Variants in WASF2 observed in about 807,000 individuals in gnomAD.
WASF2 encodes actin-binding protein WASF2.
Under a neutral mutation model 45.0 loss-of-function variants are expected in WASF2, and 14 were observed. That is an observed-to-expected ratio of 0.31 (90% CI 0.21 to 0.49). The LOEUF is 0.49. WASF2 is among the 20% of genes least tolerant of loss of function. The probability of loss-of-function intolerance (pLI) is 0.99; values close to 1 mark genes in which losing one functional copy is unlikely to be tolerated. For missense variants in WASF2, 439 were observed against 636.1 expected (o/e 0.69, Z 3.33); for synonymous variants, 200 against 236.3 (o/e 0.85, Z 1.41).
chr1:27,405,248 C>CT lies in WASF2; in HGVS notation c.*2940dup, dbSNP rs891088570. ...CGAGCTGGAGCCTGGGCCAGCTGCT[C>CT]TGAGCCTCCAAGGGCTGGCTGAGCC... On this transcript the variant is annotated 3_prime_UTR_variant, in exon 9 of 9. Coordinates refer to ENST00000618852, the MANE Select transcript of WASF2 (RefSeq NM_006990.5). The CT allele has an allele frequency of 5.3e-5, 8 of 152,346 alleles. No homozygotes were observed. The highest frequency in any genetic ancestry group is 1.9e-4 in the African/African-American group (8 of 41,470). The allele number at this position is 152,346 out of a possible 1,614,324, so 9.4% of individuals were successfully genotyped here. A position where few individuals can be genotyped will look rare whatever the true frequency, so the allele number is the denominator to read the frequency against.
intron 1 of WASF2, among the ~76,000 whole-genome samples, chr1:27,463,639 A>C (rs908737531): frequency 4.9e-4 from 74 of 150,612 alleles, no homozygotes; most frequent in Non-Finnish European, 9.2e-4. Context: ...AAAAAAAAAA[A>C]AAAAAACTAT....
At chr1:27,418,133 A>C (rs2016850526) in intron 4 of WASF2, 136 bp downstream of exon 4, 1 of 1,051,110 alleles carries the variant, frequency 9.5e-7, no homozygotes, top group Non-Finnish European at 1.3e-6. Flanking sequence ...CTGCTGCCAC[A>C]GAAACTACCA....
chr1:27,441,417 C>G (rs1343051507), intron 1 of WASF2, among the ~76,000 whole-genome samples: 2 of 148,290 alleles, frequency 1.3e-5, no homozygotes, highest in Admixed American at 1.3e-4. Flanking sequence ...CACTTGAGGT[C>G]AGGAATTCGA....
intron 1 of WASF2, among the ~76,000 whole-genome samples, chr1:27,441,388 G>A (rs1240541857): frequency 1.3e-5 from 2 of 151,998 alleles, no homozygotes; most frequent in South Asian, 2.1e-4. Flanking sequence ...AGCACTTTGG[G>A]AGGCCGAGGT....
chr1:27,480,738 G>A (rs2017835363), intron 1 of WASF2, among the ~76,000 whole-genome samples: 1 of 152,128 alleles, frequency 6.6e-6, no homozygotes, highest in Non-Finnish European at 1.5e-5. Flanking sequence ...TGTTGGGCCA[G>A]GTGCGGTGGC....
At chr1:27,439,579 C>G (rs1238789634) in intron 1 of WASF2, among the ~76,000 whole-genome samples, 2 of 152,020 alleles carry the variant, frequency 1.3e-5, no homozygotes, top group Admixed American at 6.6e-5. Context: ...TAATTTAGTT[C>G]AGAGAGAGAG....
intron 1 of WASF2, among the ~76,000 whole-genome samples, chr1:27,440,249 T>A (rs1461773605): frequency 4.6e-5 from 7 of 152,086 alleles, no homozygotes; most frequent in African/African-American, 1.7e-4. Context: ...ATGGGGTGGG[T>A]ATGGTGGCTC....
At chr1:27,419,196 A>C in intron 2 of WASF2, 108 bp from the exon 3 acceptor site, 1 of 1,207,994 alleles carries the variant, frequency 8.3e-7, no homozygotes, top group Non-Finnish European at 1.2e-6. Context: ...ACATACATAT[A>C]CACACACATA....
Position 27,409,935 on chromosome 1 carries a change from G to A in WASF2, c.1096C>T (p.Pro366Ser), listed in dbSNP as rs1418094076. The A allele has an allele frequency of 2.5e-6, 4 of 1,604,836 alleles. No homozygotes were observed. Among genetic ancestry groups the A allele is most frequent in the African/African-American group, 2.7e-5 (2 of 74,848 alleles). Reference sequence around the variant, plus strand: ...TCAGCTGCTGGTGGTGGAGGAGGAGGTGGAGGGGCAGCAAAATCAGGGTGA... The same window carrying A: ...TCAGCTGCTGGTGGTGGAGGAGGAGATGGAGGGGCAGCAAAATCAGGGTGA... ...PPHPDFAAPP[P>S]PPPPPAADYP... Residue 366 changes from proline to serine, a missense_variant, in exon 8 of 9, where the codon CCT becomes TCT. By Grantham distance (74) the Pro-to-Ser change is moderately conservative. This residue lies in a region of WASF2 where 286 missense variants were observed against 373.5 expected (regional missense o/e 0.77). Coordinates refer to ENST00000618852, the MANE Select transcript of WASF2 (RefSeq NM_006990.5).
intron 1 of WASF2, among the ~76,000 whole-genome samples, chr1:27,440,584 A>C (rs1470828208): frequency 6.6e-6 from 1 of 152,118 alleles, no homozygotes; most frequent in Non-Finnish European, 1.5e-5. Context: ...AATGAAATAT[A>C]AACATATTAT....
At chr1:27,431,784 G>A (rs2017065706) in intron 1 of WASF2, among the ~76,000 whole-genome samples, 1 of 152,152 alleles carries the variant, frequency 6.6e-6, no homozygotes, top group Admixed American at 6.5e-5. Flanking sequence ...TGGATAAGCA[G>A]AACAAACAAC....
chr1:27,458,073 G>A (rs1431916690), intron 1 of WASF2, among the ~76,000 whole-genome samples: 2 of 151,958 alleles, frequency 1.3e-5, no homozygotes, highest in Admixed American at 6.6e-5. Flanking sequence ...ACTTTGGGAG[G>A]CCGAGACAGG....
chr1:27,483,313 T>C (rs1319239254), intron 1 of WASF2, among the ~76,000 whole-genome samples: 2 of 151,998 alleles, frequency 1.3e-5, no homozygotes, highest in Non-Finnish European at 2.9e-5. Flanking sequence ...CTACTAAAAA[T>C]GCAAAAATTA....
intron 1 of WASF2, among the ~76,000 whole-genome samples, chr1:27,453,211 TTAAAA>T (rs927316677): frequency 1.3e-5 from 2 of 149,212 alleles, no homozygotes; most frequent in African/African-American, 4.9e-5. Context: ...TCTCAAAAAA[TTAAAA>T]TAAAAATTTT....
chr1:27,478,165 C>T (rs1198665775), intron 1 of WASF2, among the ~76,000 whole-genome samples: 1 of 150,370 alleles, frequency 6.7e-6, no homozygotes, highest in African/African-American at 2.5e-5. Flanking sequence ...AGCCGAGATC[C>T]TGCCACTGCA....
intron 1 of WASF2, among the ~76,000 whole-genome samples, chr1:27,455,648 T>C (rs2017456905): frequency 6.6e-6 from 1 of 152,160 alleles, no homozygotes; most frequent in Admixed American, 6.6e-5. Flanking sequence ...CACTCCAATG[T>C]CTCTGTGATT....
At chr1:27,484,581 G>A (rs916083321) in intron 1 of WASF2, among the ~76,000 whole-genome samples, 4 of 152,072 alleles carry the variant, frequency 2.6e-5, no homozygotes, top group Admixed American at 1.3e-4. Context: ...GCCGAGGTGG[G>A]TGGATCATGA....
intron 1 of WASF2, among the ~76,000 whole-genome samples, chr1:27,463,435 C>T (rs1571155127): frequency 6.6e-6 from 1 of 151,712 alleles, no homozygotes; most frequent in Admixed American, 6.6e-5. Flanking sequence ...ACCATCCTGG[C>T]TAACACGGTA....
chr1:27,482,384 C>A (rs773104856), intron 1 of WASF2, among the ~76,000 whole-genome samples: 1 of 152,112 alleles, frequency 6.6e-6, no homozygotes, highest in African/African-American at 2.4e-5. Context: ...AGTGTTTATG[C>A]GGGGACATCA....
Sources: gnomAD v4.1 joint callset for allele counts (sites outside exome capture counted in the v4.1 genomes callset) on GRCh38, gnomAD v4.1.1 for gene constraint, gnomAD v4.1.1 regional missense constraint, MANE v1.5 for transcripts, NCBI Gene and HGNC (gene_info 2026-07-23, HGNC 2026-07-21) for gene names.